Variants in ATP1B2 observed in about 807,000 individuals in gnomAD.
ATP1B2 encodes sodium/potassium-transporting ATPase subunit beta-2.
In ATP1B2, 12 loss-of-function variants were observed where a neutral mutation model predicts 37.3. The observed-to-expected ratio is 0.32, with a 90% CI of 0.21 to 0.52. ATP1B2 has a LOEUF of 0.52. ATP1B2 is among the 20% of genes least tolerant of loss of function. The pLI is 0.96. For synonymous variants in ATP1B2, 139 were observed against 140.5 expected, an observed-to-expected ratio of 0.99 and a Z score of 0.07; for missense variants, 324 against 391.6, an observed-to-expected ratio of 0.83 and a Z score of 1.46.
chr17:7,648,567 C>CAAAAAA (rs58333874), upstream of ATP1B2, among the ~76,000 whole-genome samples: 3 of 69,752 alleles, frequency 4.3e-5, no homozygotes, highest in African/African-American at 6.2e-5. Context: ...ACTCTGTCTC[C>CAAAAAA]AAAAAAAAAA....
Position 7,654,511 on chromosome 17 carries a change from C to T in ATP1B2, c.553-117C>T, listed in dbSNP as rs2150978368. 8.4e-7 allele frequency: 1 copy of T among 1,184,364 alleles called. No individual in the cohort carries two copies. 73.4% of individuals were successfully genotyped at this position (1,184,364 alleles called of 1,614,324 possible). A position where few individuals can be genotyped will look rare whatever the true frequency, so the allele number is the denominator to read the frequency against. On this transcript the variant is annotated intron_variant, in intron 4 of 6. Transcript: ENST00000250111. The surrounding 1 kb of genome is among the most constrained non-coding windows in gnomAD (Gnocchi z 4.9). ...CCTTGAACTCCTGGAATTAAGCTAT[C>T]CTCCCGCCTCAACCTCCCTAGTAGT...
rs143282607 is a variant in ATP1B2 at position 7,653,554 on chromosome 17, A to G, written c.241+52A>G. ...CTACTCTAACTGCTCTTGTGCCCCC[A>G]AACCTCCAGAAGGAACTCATAGTTC... is the stretch of plus-strand genomic sequence containing the variant. On this transcript the variant is annotated intron_variant, in intron 2 of 6. Coordinates refer to ENST00000250111, the MANE Select transcript of ATP1B2 (RefSeq NM_001678.5). 7.2e-4 allele frequency: 1,155 copies of G among 1,603,198 alleles called. 8 individuals carry two copies. In the African/African-American group the frequency reaches 0.013, roughly 19 times the overall value.
upstream of ATP1B2, among the ~76,000 whole-genome samples, chr17:7,650,039 G>T (rs954520003): frequency 2.0e-5 from 3 of 152,132 alleles, no homozygotes; most frequent in Admixed American, 6.6e-5. Flanking sequence ...GTGTACTCCC[G>T]CCCTAGACTG....
Position 7,656,182 on chromosome 17 carries a change from G to A in ATP1B2, c.*287G>A, listed in dbSNP as rs1597336511. The A allele has an allele frequency of 6.5e-6, 3 of 464,578 alleles. No individual in the cohort carries two copies. Among genetic ancestry groups the A allele is most frequent in the Non-Finnish European group, 1.2e-5 (3 of 254,278 alleles). The allele number at this position is 464,578 out of a possible 1,614,324, so 28.8% of individuals were successfully genotyped here. A position where few individuals can be genotyped will look rare whatever the true frequency, so the allele number is the denominator to read the frequency against. On this transcript the variant is annotated 3_prime_UTR_variant, in exon 7 of 7. Transcript: ENST00000250111. ...GCCTTTCTAGTTCTGGTTTAGCTGT[G>A]AGAGCTATCCACTCTCCTGCCTGCA... is the stretch of plus-strand genomic sequence containing the variant.
Position 7,655,524 on chromosome 17 carries a change from C to T in ATP1B2, c.610-3C>T, listed in dbSNP as rs1368946578. ...CACCCCCTATCTTCCTGCACCCCCA[C>T]AGCGAGATGAAGATGCTGAGAATCT... On this transcript the variant is annotated splice_region_variant and splice_polypyrimidine_tract_variant and intron_variant, in intron 5 of 6. Coordinates refer to ENST00000250111, the MANE Select transcript of ATP1B2 (RefSeq NM_001678.5). This position sits in a 1 kb window ranked among gnomAD's most constrained non-coding sequence, Gnocchi z 4.4. 7 of 1,614,060 alleles carry T rather than the reference C, an allele frequency of 4.3e-6. No individual in the cohort carries two copies. The highest frequency in any genetic ancestry group is 5.9e-6 in the Non-Finnish European group (7 of 1,180,024).
chr17:7,653,923 G>A lies in ATP1B2; in HGVS notation c.324G>A (p.Gln108=), dbSNP rs1794231797. The A allele has an allele frequency of 6.2e-7, 1 of 1,614,030 alleles. No individual in the cohort carries two copies. The highest frequency in any genetic ancestry group is 1.7e-5 in the Admixed American group (1 of 59,988). ...CTGAAAGCTGGGACCAGCATGTTCAGAAGCTCAACAAGTTCTTGGAGCGTG... is the reference window on the plus strand; with the variant it reads ...CTGAAAGCTGGGACCAGCATGTTCAAAAGCTCAACAAGTTCTTGGAGCGTG... The part of the protein sequence containing the change: ...SDTESWDQHV[Q]KLNKFLEPYN... Residue 108 remains glutamine, a synonymous_variant, in exon 3 of 7, where the codon CAG becomes CAA. Coordinates refer to ENST00000250111, the MANE Select transcript of ATP1B2 (RefSeq NM_001678.5).
upstream of ATP1B2, among the ~76,000 whole-genome samples, chr17:7,648,912 C>T (rs1410592228): frequency 3.3e-5 from 5 of 152,144 alleles, no homozygotes; most frequent in Admixed American, 6.5e-5. Flanking sequence ...GACTAGTTCT[C>T]TCCTGGAGCC....
In ATP1B2 at chr17:7,654,744, T is replaced by C. The variant is rs1158082063; in HGVS notation, c.609+60T>C. ...GAGTGGCTCACCTGAGTGTCCTTCATGGTTTCTGTGTAATTCACCTGTCTC... is the reference window on the plus strand; with the variant it reads ...GAGTGGCTCACCTGAGTGTCCTTCACGGTTTCTGTGTAATTCACCTGTCTC... On this transcript the variant is annotated intron_variant, in intron 5 of 6. Coordinates refer to ENST00000250111, the MANE Select transcript of ATP1B2 (RefSeq NM_001678.5). This position sits in a 1 kb window ranked among gnomAD's most constrained non-coding sequence, Gnocchi z 4.9. 1.9e-6 allele frequency: 3 copies of C among 1,567,712 alleles called. No homozygotes were observed. Among genetic ancestry groups the C allele is most frequent in the African/African-American group, 2.7e-5 (2 of 73,890 alleles).
At chr17:7,649,702 G>A (rs2072597484), upstream of ATP1B2, among the ~76,000 whole-genome samples, 1 of 151,760 alleles carries the variant, frequency 6.6e-6, no homozygotes, top group Non-Finnish European at 1.5e-5. Context: ...ACAAGCTCCC[G>A]CCACGACGCC....
At chr17:7,653,566 G>A in intron 2 of ATP1B2, 64 bp downstream of exon 2, 2 of 1,592,614 alleles carry the variant, frequency 1.3e-6, no homozygotes, top group South Asian at 2.3e-5. Context: ...ACCTCCAGAA[G>A]GAACTCATAG....
Position 7,656,143 on chromosome 17 carries a change from CGG to C in ATP1B2, c.*249_*250del, listed in dbSNP as rs1275818781. ...ACAGGGAGCTGGGCTAAGATGGCCACGGAGGAGTTAGGAGCCTTTCTAGTTCT... is the reference window on the plus strand; with the variant it reads ...ACAGGGAGCTGGGCTAAGATGGCCACAGGAGTTAGGAGCCTTTCTAGTTCT... On this transcript the variant is annotated 3_prime_UTR_variant, in exon 7 of 7. Coordinates refer to ENST00000250111, the MANE Select transcript of ATP1B2 (RefSeq NM_001678.5). 1.8e-6 allele frequency: 1 copy of C among 565,010 alleles called. No homozygotes were observed. The highest frequency in any genetic ancestry group is 3.1e-6 in the Non-Finnish European group (1 of 317,816). 35.0% of individuals were successfully genotyped at this position (565,010 alleles called of 1,614,324 possible).
At chr17:7,653,759 G>A in intron 2 of ATP1B2, 82 bp from the exon 3 acceptor site, 2 of 1,420,530 alleles carry the variant, frequency 1.4e-6, no homozygotes, top group Non-Finnish European at 2.0e-6. Context: ...CCACTCTGGT[G>A]TTCCCTGTGT....
At chr17:7,648,301 G>T (rs988090493), upstream of ATP1B2, among the ~76,000 whole-genome samples, 3 of 151,890 alleles carry the variant, frequency 2.0e-5, no homozygotes, top group African/African-American at 7.3e-5. Context: ...GTTTAGGCTG[G>T]GTGCGGTTGT....
chr17:7,651,751 C>A, intron 1 of ATP1B2, 121 bp downstream of exon 1: 2 of 865,654 alleles, frequency 2.3e-6, no homozygotes, highest in Non-Finnish European at 3.4e-6. Flanking sequence ...GCCTCCCTGC[C>A]GGGCTCTGGG....
At position 7,651,642 on chromosome 17, in the gene ATP1B2, C is replaced by T; in HGVS notation, c.112+12C>T. 2 of 1,582,870 alleles carry T rather than the reference C, an allele frequency of 1.3e-6. No homozygotes were observed. The highest frequency in any genetic ancestry group is 8.6e-7 in the Non-Finnish European group (1 of 1,165,944). On this transcript the variant is annotated intron_variant, in intron 1 of 6. Coordinates refer to ENST00000250111, the MANE Select transcript of ATP1B2 (RefSeq NM_001678.5). ...CGGGACCAGCTGGGGTACGCAGGGC[C>T]GGCACGCAAGGGGCGGGGGAAAGCC...
At chr17:7,653,055 A>G (rs1246627982) in intron 1 of ATP1B2, among the ~76,000 whole-genome samples, 1 of 152,200 alleles carries the variant, frequency 6.6e-6, no homozygotes, top group East Asian at 1.9e-4. Flanking sequence ...TGCAGAGGTA[A>G]CAGATGTGTG....
Position 7,651,620 on chromosome 17 carries a change from G to T in ATP1B2, c.102G>T (p.Gly34=). 6.3e-7 allele frequency: 1 copy of T among 1,599,940 alleles called. No individual in the cohort carries two copies. The change falls in exon 1 of 7, where the codon GGG becomes GGT. Residue 34 remains glycine, a synonymous_variant. Coordinates refer to ENST00000250111, the MANE Select transcript of ATP1B2 (RefSeq NM_001678.5). ...CGCACCAGTTTATGGGCCGCACCGG[G>T]ACCAGCTGGGGTACGCAGGGCCGGC... The part of the protein sequence containing the change: ...PRTHQFMGRT[G]TSWAFILLFY...
rs2072650176 is a variant in ATP1B2 at position 7,656,114 on chromosome 17, T to G, written c.*219T>G. The G allele has an allele frequency of 3.2e-6, 2 of 619,238 alleles. No homozygotes were observed. Among genetic ancestry groups the G allele is most frequent in the African/African-American group, 3.7e-5 (2 of 54,092 alleles). The allele number at this position is 619,238 out of a possible 1,614,324, so 38.4% of individuals were successfully genotyped here. ...CCAACTTCTCCCAACCTCAGATCAG[T>G]CAGACAGGGAGCTGGGCTAAGATGG... On this transcript the variant is annotated 3_prime_UTR_variant, in exon 7 of 7. Transcript: ENST00000250111.
chr17:7,653,764 C>G (rs1483141278), intron 2 of ATP1B2, 77 bp from the exon 3 acceptor site: 3 of 1,449,484 alleles, frequency 2.1e-6, no homozygotes, highest in African/African-American at 1.4e-5. Flanking sequence ...CTGGTGTTCC[C>G]TGTGTCCATT....
Sources: gnomAD v4.1 joint callset for allele counts (sites outside exome capture counted in the v4.1 genomes callset) on GRCh38, gnomAD v4.1.1 for gene constraint, Gnocchi (gnomAD v3.1) non-coding constraint, MANE v1.5 for transcripts, NCBI Gene and HGNC (gene_info 2026-07-23, HGNC 2026-07-21) for gene names.